The following MRPL42 variants were observed in gnomAD, a reference collection of about 807,000 sequenced individuals.
The protein encoded by MRPL42 is large ribosomal subunit protein mL42.
Under a neutral mutation model 17.9 loss-of-function variants are expected in MRPL42, and 17 were observed. The ratio of observed to expected loss-of-function variants is 0.95; its 90% CI spans 0.65 to 1.42. The LOEUF is 1.42. MRPL42 is among the 40% of genes most tolerant of loss of function. The pLI, the probability that MRPL42 is intolerant of heterozygous loss-of-function variation, is 0.00. For synonymous variants in MRPL42, 59 were observed against 54.4 expected, an observed-to-expected ratio of 1.08 and a Z score of -0.37; for missense variants, 177 against 175.2, an observed-to-expected ratio of 1.01 and a Z score of -0.06.
Position 93,506,558 on chromosome 12 carries a change from C to G in MRPL42, c.*5337C>G, listed in dbSNP as rs1226205741. On this transcript the variant is annotated 3_prime_UTR_variant, in exon 6 of 6. Coordinates refer to ENST00000549982, the MANE Select transcript of MRPL42 (RefSeq NM_014050.4). Reference sequence around the variant, plus strand: ...GGGATTACAGGCATGAGCCACCACGCCCGGCCAAGAATGTCTTTTCTTTAT... The same window carrying G: ...GGGATTACAGGCATGAGCCACCACGGCCGGCCAAGAATGTCTTTTCTTTAT... 1 of 152,234 alleles carries G rather than the reference C, an allele frequency of 6.6e-6. No homozygotes were observed. Among genetic ancestry groups the G allele is most frequent in the Admixed American group, 6.6e-5 (1 of 15,264 alleles). The allele number at this position is 152,234 out of a possible 1,614,324, so 9.4% of individuals were successfully genotyped here. A position where few individuals can be genotyped will look rare whatever the true frequency, so the allele number is the denominator to read the frequency against.
intron 5 of MRPL42, among the ~76,000 whole-genome samples, chr12:93,500,329 A>C (rs1485195315): frequency 1.3e-5 from 2 of 152,160 alleles, no homozygotes; most frequent in Non-Finnish European, 2.9e-5. Flanking sequence ...TGCTTTTCAA[A>C]AGTATTTTGA....
chr12:93,476,844 G>A lies in MRPL42; in HGVS notation c.71-110G>A. The A allele has an allele frequency of 3.9e-6, 4 of 1,018,158 alleles. No individual in the cohort carries two copies. The South Asian group carries it at 5.3e-5, about 14-fold the overall frequency. The allele number at this position is 1,018,158 out of a possible 1,614,324, so 63.1% of individuals were successfully genotyped here. On this transcript the variant is annotated intron_variant, in intron 2 of 5. Coordinates refer to ENST00000549982, the MANE Select transcript of MRPL42 (RefSeq NM_014050.4). Reference sequence around the variant, plus strand: ...AATCCCTAGCCCCTAGCACAGGCCTGTTTCATACTAAACAGTAATGTTGGT... The same window carrying A: ...AATCCCTAGCCCCTAGCACAGGCCTATTTCATACTAAACAGTAATGTTGGT...
Position 93,487,637 on chromosome 12 carries a change from G to T in MRPL42, c.360G>T (p.Lys120Asn), listed in dbSNP as rs1211875966. The stretch of plus-strand genomic sequence containing the variant: ...TTAGCAAAATGTTCTTTACTACTAA[G>T]CACCGTTGGTATCCTCATGGACGGT... The part of the protein sequence containing the change: ...EQLSKMFFTT[K>N]HRWYPHGRYH... Residue 120 changes from lysine to asparagine, a missense_variant, in exon 5 of 6, where the codon AAG becomes AAT. Lys to Asn is a moderately conservative substitution (Grantham distance 94). Transcript: ENST00000549982. 6.2e-7 allele frequency: 1 copy of T among 1,612,818 alleles called. No homozygotes were observed. Among genetic ancestry groups the T allele is most frequent in the South Asian group, 1.1e-5 (1 of 90,918 alleles).
Position 93,503,585 on chromosome 12 carries a change from T to C in MRPL42, c.*2364T>C, listed in dbSNP as rs1187282039. On this transcript the variant is annotated 3_prime_UTR_variant, in exon 6 of 6. Coordinates refer to ENST00000549982, the MANE Select transcript of MRPL42 (RefSeq NM_014050.4). Reference sequence around the variant, plus strand: ...TTTTTATAGAGACGGGGTTTCGCCATGTTGCCCAGGCTGGTCTTGAACTCC... The same window carrying C: ...TTTTTATAGAGACGGGGTTTCGCCACGTTGCCCAGGCTGGTCTTGAACTCC... The C allele has an allele frequency of 6.6e-6, 1 of 152,058 alleles. No individual in the cohort carries two copies. Among genetic ancestry groups the C allele is most frequent in the Admixed American group, 6.6e-5 (1 of 15,244 alleles). The allele number at this position is 152,058 out of a possible 1,614,324, so 9.4% of individuals were successfully genotyped here.
chr12:93,474,096 C>T (rs1297914634), intron 2 of MRPL42, among the ~76,000 whole-genome samples: 2 of 152,094 alleles, frequency 1.3e-5, no homozygotes, highest in Non-Finnish European at 2.9e-5. Flanking sequence ...AAACAAATGT[C>T]TGTGTAAACA....
In MRPL42 at chr12:93,503,126, G is replaced by A. The variant is rs1953619554; in HGVS notation, c.*1905G>A. On this transcript the variant is annotated 3_prime_UTR_variant, in exon 6 of 6. Transcript: ENST00000549982. ...CAGACATTTTAAAATTCGTAAAGTG[G>A]GATGCTTCTTTAATTTAAATACATT... is the stretch of plus-strand genomic sequence containing the variant. 6.6e-6 allele frequency: 1 copy of A among 152,010 alleles called. No homozygotes were observed. The highest frequency in any genetic ancestry group is 2.1e-4 in the South Asian group (1 of 4,822). The allele number at this position is 152,010 out of a possible 1,614,324, so 9.4% of individuals were successfully genotyped here.
rs1953636780 is a variant in MRPL42, at chr12:93,504,050, G to T, written c.*2829G>T. The T allele has an allele frequency of 1.4e-5, 2 of 140,874 alleles. No homozygotes were observed. The highest frequency in any genetic ancestry group is 7.4e-5 in the Admixed American group (1 of 13,546). The allele number at this position is 140,874 out of a possible 1,614,324, so 8.7% of individuals were successfully genotyped here. Reference sequence around the variant, plus strand: ...ATCAGAAGCTGGCAAGATCATTACTGTTTTCTTAGATTTGTTTCTGTAAGT... The same window carrying T: ...ATCAGAAGCTGGCAAGATCATTACTTTTTTCTTAGATTTGTTTCTGTAAGT... On this transcript the variant is annotated 3_prime_UTR_variant, in exon 6 of 6. Coordinates refer to ENST00000549982, the MANE Select transcript of MRPL42 (RefSeq NM_014050.4).
At position 93,515,357 on chromosome 12, in the gene MRPL42, C is replaced by CAA. The variant is rs1273040281; in HGVS notation, c.*14136_*14137insAA. On this transcript the variant is annotated 3_prime_UTR_variant, in exon 6 of 6. Coordinates refer to ENST00000549982, the MANE Select transcript of MRPL42 (RefSeq NM_014050.4). ...TACATAGGAAGTAAAAATTAATAGG[C>CAA]CTTGGCAACTATTTTTTTTTTTTTT... The CAA allele has an allele frequency of 3.0e-5, 4 of 131,832 alleles. No homozygotes were observed. The highest frequency in any genetic ancestry group is 1.1e-4 in the African/African-American group (4 of 35,920). 8.2% of individuals were successfully genotyped at this position (131,832 alleles called of 1,614,324 possible). A position where few individuals can be genotyped will look rare whatever the true frequency, so the allele number is the denominator to read the frequency against.
At chr12:93,500,229 T>G (rs1953564387) in intron 5 of MRPL42, among the ~76,000 whole-genome samples, 1 of 152,240 alleles carries the variant, frequency 6.6e-6, no homozygotes, top group Non-Finnish European at 1.5e-5. Flanking sequence ...ATATTTTAAC[T>G]ACTTTTTCTA....
intron 1 of MRPL42, 135 bp from the exon 2 acceptor site, chr12:93,469,055 CAT>C (rs1879773899): frequency 4.3e-6 from 2 of 467,906 alleles, no homozygotes; most frequent in Non-Finnish European, 7.5e-6. Flanking sequence ...GTTGTTCAAT[CAT>C]GTGGAATTGC....
At chr12:93,497,176 CCAA>C (rs879871534) in intron 5 of MRPL42, among the ~76,000 whole-genome samples, 4 of 152,002 alleles carry the variant, frequency 2.6e-5, no homozygotes, top group African/African-American at 7.2e-5. Context: ...TACTATTCCC[CCAA>C]CAACAACAAC....
intron 4 of MRPL42, among the ~76,000 whole-genome samples, chr12:93,486,631 C>G (rs1460932497): frequency 6.6e-6 from 1 of 151,898 alleles, no homozygotes; most frequent in Non-Finnish European, 1.5e-5. Flanking sequence ...AGCCACCGCA[C>G]CCGGCCAAAA....
chr12:93,503,517 A>G lies in MRPL42; in HGVS notation c.*2296A>G, dbSNP rs35599883. The stretch of plus-strand genomic sequence containing the variant: ...CACCGCAGCCTCCCGAATTGCTGAG[A>G]CTACACATGTGTGCTACCATGCCTG... On this transcript the variant is annotated 3_prime_UTR_variant, in exon 6 of 6. Coordinates refer to ENST00000549982, the MANE Select transcript of MRPL42 (RefSeq NM_014050.4). 0.089 allele frequency: 13,367 copies of G among 150,714 alleles called. 763 individuals carry two copies. The highest frequency in any genetic ancestry group is 0.18 in the Middle Eastern group (53 of 294). 9.3% of individuals were successfully genotyped at this position (150,714 alleles called of 1,614,324 possible). A position where few individuals can be genotyped will look rare whatever the true frequency, so the allele number is the denominator to read the frequency against.
chr12:93,495,602 G>A (rs1057431724), intron 5 of MRPL42, among the ~76,000 whole-genome samples: 1 of 152,100 alleles, frequency 6.6e-6, no homozygotes, highest in Non-Finnish European at 1.5e-5. Context: ...TTAGCCACTG[G>A]CCTATTCAGC....
intron 5 of MRPL42, among the ~76,000 whole-genome samples, chr12:93,492,795 A>G (rs1165021419): frequency 1.3e-5 from 2 of 152,288 alleles, no homozygotes; most frequent in Admixed American, 1.3e-4. Context: ...GCATTTACAC[A>G]TATCTTATCA....
intron 3 of MRPL42, 124 bp downstream of exon 3, chr12:93,477,141 T>A: frequency 4.3e-6 from 3 of 704,088 alleles, no homozygotes; most frequent in Non-Finnish European, 6.7e-6. Flanking sequence ...ATTTTGTTTT[T>A]AAAAATTATT....
chr12:93,487,939 G>T, intron 5 of MRPL42: 1 of 279,840 alleles, frequency 3.6e-6, no homozygotes, highest in Non-Finnish European at 6.5e-6. Flanking sequence ...TAGTACTACA[G>T]GCATGTGCCA....
At chr12:93,484,975 CACACATATATATATAT>C in intron 4 of MRPL42, among the ~76,000 whole-genome samples, 1 of 23,182 alleles carries the variant, frequency 4.3e-5, no homozygotes, top group South Asian at 1.7e-3. Flanking sequence ...CACACACACA[CACACATATATATATAT>C]ATATATATAT....
At chr12:93,474,503 T>C (rs543250997) in intron 2 of MRPL42, among the ~76,000 whole-genome samples, 8 of 152,172 alleles carry the variant, frequency 5.3e-5, no homozygotes, top group Non-Finnish European at 1.2e-4. Context: ...GGCACAATCA[T>C]AGTTCATTGC....
Sources: allele counts gnomAD v4.1 joint callset (sites outside exome capture counted in the v4.1 genomes callset), GRCh38; gene constraint gnomAD v4.1.1; transcripts MANE v1.5; gene names NCBI Gene and HGNC (gene_info 2026-07-23, HGNC 2026-07-21).